STAMBPL1: variants seen among roughly 807,000 people sequenced by gnomAD.
STAMBPL1 encodes STAM binding protein like 1.
STAMBPL1 carries 44 observed loss-of-function variants against 52.9 expected under a neutral mutation model. The observed-to-expected ratio is 0.83, with a 90% CI of 0.65 to 1.07. The LOEUF (loss-of-function observed/expected upper bound fraction) is 1.07. Among genes scored for constraint, STAMBPL1 ranks in the 50% least tolerant of loss-of-function variants. STAMBPL1 has a pLI of 0.00. For missense variants in STAMBPL1, 511 were observed against 520.8 expected, an observed-to-expected ratio of 0.98 and a Z score of 0.18; for synonymous variants, 164 against 177.3, an observed-to-expected ratio of 0.92 and a Z score of 0.60.
chr10:88,904,347 A>T (rs1845020306), intron 2 of STAMBPL1, among the ~76,000 whole-genome samples: 1 of 152,182 alleles, frequency 6.6e-6, no homozygotes, highest in South Asian at 2.1e-4. Context: ...CTGAGGTGAG[A>T]CCTGTTAGGA....
Position 88,901,702 on chromosome 10 carries a change from A to G in STAMBPL1, c.-7A>G. The G allele has an allele frequency of 6.2e-7, 1 of 1,611,620 alleles. No homozygotes were observed. The highest frequency in any genetic ancestry group is 8.5e-7 in the Non-Finnish European group (1 of 1,179,042). ...AGTGAACATCCTCATTTCACAGATAAGACAACATGGATCAGCCTTTTACTG... is the reference window on the plus strand; with the variant it reads ...AGTGAACATCCTCATTTCACAGATAGGACAACATGGATCAGCCTTTTACTG... On this transcript the variant is annotated 5_prime_UTR_variant, in exon 2 of 11. Coordinates refer to ENST00000371926, the MANE Select transcript of STAMBPL1 (RefSeq NM_020799.4).
At position 88,901,730 on chromosome 10, in the gene STAMBPL1, A is replaced by C. The variant is rs768891508; in HGVS notation, c.22A>C (p.Asn8His). Residue 8 changes from asparagine (N) to histidine (H), a missense_variant, in exon 2 of 11, where the codon AAT becomes CAT. By Grantham distance (68) the Asn-to-His change is moderately conservative. Coordinates refer to ENST00000371926, the MANE Select transcript of STAMBPL1 (RefSeq NM_020799.4). MDQPFTV[N>H]SLKKLAAMPD... ...CAACATGGATCAGCCTTTTACTGTG[A>C]ATTCTCTGGTAGGTCACACCAGCTG... The C allele has an allele frequency of 1.2e-6, 2 of 1,612,664 alleles. No individual in the cohort carries two copies. The highest frequency in any genetic ancestry group is 1.7e-6 in the Non-Finnish European group (2 of 1,179,440).
intron 8 of STAMBPL1, among the ~76,000 whole-genome samples, chr10:88,918,731 A>G (rs961109799): frequency 1.3e-5 from 2 of 152,196 alleles, no homozygotes; most frequent in Admixed American, 6.5e-5. Flanking sequence ...TGTAACAAGA[A>G]TGCATTTTAA....
intron 7 of STAMBPL1, among the ~76,000 whole-genome samples, chr10:88,916,235 CT>C (rs1374845475): frequency 6.6e-6 from 1 of 151,854 alleles, no homozygotes; most frequent in East Asian, 2.0e-4. Flanking sequence ...AACCATCAAC[CT>C]TCACAACCCT....
intron 8 of STAMBPL1, among the ~76,000 whole-genome samples, chr10:88,918,326 T>C (rs1351883806): frequency 7.0e-6 from 1 of 142,086 alleles, no homozygotes; most frequent in Non-Finnish European, 1.6e-5. Context: ...CACACACACA[T>C]TTCCTAAGCA....
At chr10:88,894,954 T>C (rs1262480268) in intron 1 of STAMBPL1, among the ~76,000 whole-genome samples, 1 of 152,238 alleles carries the variant, frequency 6.6e-6, no homozygotes, top group Non-Finnish European at 1.5e-5. Flanking sequence ...AATCCTATGC[T>C]AATTAGGGAG....
At position 88,916,726 on chromosome 10, in the gene STAMBPL1, C is replaced by G. The variant is rs755754205; in HGVS notation, c.950C>G (p.Ser317Cys). 6.2e-7 allele frequency: 1 copy of G among 1,609,200 alleles called. No individual in the cohort carries two copies. Among genetic ancestry groups the G allele is most frequent in the South Asian group, 1.1e-5 (1 of 90,346 alleles). ...ACCCATGTAATTGTGCCAAAGCAGTCTGCGGGACCAGACTATTGTGACATG... is the reference window on the plus strand; with the variant it reads ...ACCCATGTAATTGTGCCAAAGCAGTGTGCGGGACCAGACTATTGTGACATG... ...TITHVIVPKQ[S>C]AGPDYCDMEN... is the part of the protein sequence containing the mutation. Residue 317 changes from serine (S) to cysteine (C), a missense_variant, in exon 8 of 11, where the codon TCT becomes TGT. Ser to Cys is a moderately radical substitution (Grantham distance 112, BLOSUM62 -1). Around this residue, in one of 3 missense-constraint regions of STAMBPL1, gnomAD observed 16 missense variants for 37.4 expected, o/e 0.43. Transcript: ENST00000371926.
At chr10:88,916,956 TG>T (rs1845387521) in intron 8 of STAMBPL1, 139 bp downstream of exon 8, 2 of 897,604 alleles carry the variant, frequency 2.2e-6, no homozygotes, top group Admixed American at 3.1e-5. Context: ...ATTTAAGTAG[TG>T]GTTCTCAAGC....
Position 88,901,686 on chromosome 10 carries a change from C to A in STAMBPL1, c.-23C>A. On this transcript the variant is annotated 5_prime_UTR_variant, in exon 2 of 11. Coordinates refer to ENST00000371926, the MANE Select transcript of STAMBPL1 (RefSeq NM_020799.4). Reference sequence around the variant, plus strand: ...GTGATTGAGAAGAAACAGTGAACATCCTCATTTCACAGATAAGACAACATG... The same window carrying A: ...GTGATTGAGAAGAAACAGTGAACATACTCATTTCACAGATAAGACAACATG... The A allele has an allele frequency of 6.2e-7, 1 of 1,606,314 alleles. No homozygotes were observed. The highest frequency in any genetic ancestry group is 8.5e-7 in the Non-Finnish European group (1 of 1,176,670).
intron 8 of STAMBPL1, among the ~76,000 whole-genome samples, chr10:88,921,006 A>G (rs1314005696): frequency 6.6e-6 from 1 of 152,198 alleles, no homozygotes; most frequent in Non-Finnish European, 1.5e-5. Flanking sequence ...ATGAGAATCT[A>G]TTTAAAGCCC....
At chr10:88,914,847 A>T (rs916360416) in intron 7 of STAMBPL1, among the ~76,000 whole-genome samples, 189 bp downstream of exon 7, 3 of 152,084 alleles carry the variant, frequency 2.0e-5, no homozygotes, top group Admixed American at 6.6e-5. Flanking sequence ...CCTTTTAGAA[A>T]ATAGATTGTA....
Position 88,908,813 on chromosome 10 carries a change from T to C in STAMBPL1, c.324+36T>C, listed in dbSNP as rs1845143502. 1.9e-6 allele frequency: 3 copies of C among 1,539,730 alleles called. No individual in the cohort carries two copies. The South Asian group carries it at 3.5e-5, about 18-fold the overall frequency. On this transcript the variant is annotated intron_variant, in intron 4 of 10. Transcript: ENST00000371926. ...TTTTCTTCTCCACTGTGGAATCAAA[T>C]GCTCCATAAGTATCCATTATTGATT... is the stretch of plus-strand genomic sequence containing the variant.
chr10:88,914,539 G>A lies in STAMBPL1; in HGVS notation c.784G>A (p.Val262Met), dbSNP rs139363999. The change falls in exon 7 of 11, where the codon GTG becomes ATG. Residue 262 changes from valine to methionine, a missense_variant. Around this residue, in one of 3 missense-constraint regions of STAMBPL1, gnomAD observed 358 missense variants for 343.5 expected, o/e 1.04. Coordinates refer to ENST00000371926, the MANE Select transcript of STAMBPL1 (RefSeq NM_020799.4). ...CTCCCTTTTTTGTTTCTTAGATTTA[G>A]TGGTTGAAGGACTGCGATGTGTAGT... ...AATLSAVQNL[V>M]VEGLRCVVLP... 1.0e-5 allele frequency: 15 copies of A among 1,496,774 alleles called. No homozygotes were observed. The African/African-American group carries it at 2.2e-4, about 21-fold the overall frequency. The allele number at this position is 1,496,774 out of a possible 1,614,324, so 92.7% of individuals were successfully genotyped here. A position where few individuals can be genotyped will look rare whatever the true frequency, so the allele number is the denominator to read the frequency against.
At chr10:88,887,770 C>T (rs937114709) in intron 1 of STAMBPL1, among the ~76,000 whole-genome samples, 14 of 152,178 alleles carry the variant, frequency 9.2e-5, no homozygotes, top group African/African-American at 3.4e-4. Flanking sequence ...GATCTTTCCA[C>T]CTCAGCCACT....
intron 5 of STAMBPL1, among the ~76,000 whole-genome samples, chr10:88,911,629 G>T (rs1422654969): frequency 6.6e-6 from 1 of 152,144 alleles, no homozygotes; most frequent in Non-Finnish European, 1.5e-5. Context: ...CATTATAGAT[G>T]TTATTTTGCT....
At chr10:88,906,642 T>TGTCAGCAACA (rs1043057077) in intron 3 of STAMBPL1, among the ~76,000 whole-genome samples, 25 of 152,340 alleles carry the variant, frequency 1.6e-4, no homozygotes, top group Non-Finnish European at 2.8e-4. Context: ...GTCTCCCTGT[T>TGTCAGCAACA]GCACAGGCTG....
Position 88,913,553 on chromosome 10 carries a change from T to G in STAMBPL1, c.778+95T>G, listed in dbSNP as rs1030426436. On this transcript the variant is annotated intron_variant, in intron 6 of 10. Transcript: ENST00000371926. ...GGGAGGGTCCTTCTCATTTCATTAT[T>G]AATTGTAGTAGGACCCCTGCATAAT... 6.7e-6 allele frequency: 7 copies of G among 1,052,212 alleles called. No homozygotes were observed. In the African/African-American group the frequency reaches 9.6e-5, roughly 14 times the overall value. The allele number at this position is 1,052,212 out of a possible 1,614,324, so 65.2% of individuals were successfully genotyped here. A position where few individuals can be genotyped will look rare whatever the true frequency, so the allele number is the denominator to read the frequency against.
At chr10:88,899,110 C>T (rs1589361820) in intron 1 of STAMBPL1, among the ~76,000 whole-genome samples, 1 of 152,298 alleles carries the variant, frequency 6.6e-6, no homozygotes, top group South Asian at 2.1e-4. Flanking sequence ...GGGCAGTGTT[C>T]TTGGATATGT....
rs144686100 is a variant in STAMBPL1, at chr10:88,906,728, G to A, written c.248+1068G>A. Among the ~76,000 whole-genome samples, 1,379 of 152,098 alleles carry A rather than the reference G, an allele frequency of 9.1e-3. 35 individuals carry two copies. The East Asian group carries it at 0.11, about 12-fold the overall frequency. Reference sequence around the variant, plus strand: ...AGTGATCCTCCCACCTCAGCCTCCCGAGTAGCTGGGACTACAGGCATGTGT... The same window carrying A: ...AGTGATCCTCCCACCTCAGCCTCCCAAGTAGCTGGGACTACAGGCATGTGT... On this transcript the variant is annotated intron_variant, in intron 3 of 10. Transcript: ENST00000371926.
Sources: allele counts gnomAD v4.1 joint callset (sites outside exome capture counted in the v4.1 genomes callset), GRCh38; gene constraint gnomAD v4.1.1; regional missense constraint gnomAD v4.1.1; transcripts MANE v1.5; gene names NCBI Gene and HGNC (gene_info 2026-07-23, HGNC 2026-07-21).